Variants in CAMK1D observed in about 807,000 individuals in gnomAD.
The protein encoded by CAMK1D is calcium/calmodulin dependent protein kinase ID.
A neutral mutation model predicts 47.7 loss-of-function variants in CAMK1D; 9 were observed. The ratio of observed to expected loss-of-function variants is 0.19; its 90% CI spans 0.11 to 0.33. CAMK1D has a LOEUF of 0.33. CAMK1D is among the 10% of genes least tolerant of loss of function. The pLI is 1.00. For missense variants in CAMK1D, 291 were observed against 488.7 expected (o/e 0.60, Z 3.81); for synonymous variants, 184 against 184.9 (o/e 0.99, Z 0.04).
At chr10:12,429,326 C>T (rs753509062) in intron 1 of CAMK1D, among the ~76,000 whole-genome samples, 12 of 151,888 alleles carry the variant, frequency 7.9e-5, no homozygotes, top group African/African-American at 2.2e-4. Context: ...CTCTCTTCCC[C>T]TTCCCCATTC....
intron 2 of CAMK1D, among the ~76,000 whole-genome samples, chr10:12,634,176 G>A (rs1839452976): frequency 6.6e-6 from 1 of 152,168 alleles, no homozygotes; most frequent in African/African-American, 2.4e-5. Flanking sequence ...AAGAACAGCT[G>A]TTTTGCATGT....
At chr10:12,501,058 G>A (rs1834687868) in intron 1 of CAMK1D, among the ~76,000 whole-genome samples, 1 of 152,006 alleles carries the variant, frequency 6.6e-6, no homozygotes, top group African/African-American at 2.4e-5. Context: ...CCTGTCCACC[G>A]GACTCCAAAA....
rs1304165821 is a variant in CAMK1D at position 12,356,983 on chromosome 10, C to T, written c.92+7073C>T. Among the ~76,000 whole-genome samples the T allele has an allele frequency of 2.0e-5, 3 of 152,062 alleles. No homozygotes were observed. In the East Asian group the frequency reaches 5.8e-4, roughly 29 times the overall value. On this transcript the variant is annotated intron_variant, in intron 1 of 10. Transcript: ENST00000619168. The stretch of plus-strand genomic sequence containing the variant: ...GTTAACTTGTTGAGTTTTCCTTTGG[C>T]TGGGTCTCTGTAAATCTCTTTAATC...
intron 3 of CAMK1D, among the ~76,000 whole-genome samples, chr10:12,686,834 C>T (rs1418463801): frequency 6.6e-6 from 1 of 152,158 alleles, no homozygotes; most frequent in East Asian, 1.9e-4. Context: ...TAAACAGGCT[C>T]TATTTGTACT....
intron 6 of CAMK1D, among the ~76,000 whole-genome samples, chr10:12,809,920 G>A (rs1347312573): frequency 1.3e-5 from 2 of 152,058 alleles, no homozygotes; most frequent in South Asian, 2.1e-4. Context: ...GGGAGGCAGA[G>A]GCAGGTGGAT....
intron 6 of CAMK1D, among the ~76,000 whole-genome samples, chr10:12,799,320 A>G (rs1175367141): frequency 2.0e-5 from 3 of 152,168 alleles, no homozygotes; most frequent in Admixed American, 6.5e-5. Flanking sequence ...GCCTCAGCCA[A>G]TGGGGTGGAG....
At chr10:12,790,112 A>C (rs1174961209) in intron 5 of CAMK1D, among the ~76,000 whole-genome samples, 1 of 152,232 alleles carries the variant, frequency 6.6e-6, no homozygotes, top group Non-Finnish European at 1.5e-5. Context: ...AACAAGCCAC[A>C]AGGCCAGGAA....
At chr10:12,632,555 T>A (rs1393542430) in intron 2 of CAMK1D, among the ~76,000 whole-genome samples, 1 of 152,188 alleles carries the variant, frequency 6.6e-6, no homozygotes, top group Non-Finnish European at 1.5e-5. Flanking sequence ...CTATATATAT[T>A]TGAACCTTAC....
intron 2 of CAMK1D, among the ~76,000 whole-genome samples, chr10:12,612,697 A>G (rs1158949213): frequency 6.6e-6 from 1 of 152,106 alleles, no homozygotes; most frequent in Non-Finnish European, 1.5e-5. Flanking sequence ...TGCAGCTTGG[A>G]CAGGTCAGTC....
chr10:12,758,196 A>G (rs1836324552), intron 3 of CAMK1D, among the ~76,000 whole-genome samples: 1 of 151,300 alleles, frequency 6.6e-6, no homozygotes, highest in Non-Finnish European at 1.5e-5. Flanking sequence ...CAAAGACCCC[A>G]CCTCCAAACG....
At chr10:12,675,150 G>A (rs1488356680) in intron 3 of CAMK1D, among the ~76,000 whole-genome samples, 1 of 151,950 alleles carries the variant, frequency 6.6e-6, no homozygotes, top group Non-Finnish European at 1.5e-5. Context: ...ACTTCAGGCT[G>A]ATACAATGCA....
chr10:12,774,493 A>G (rs1837188737), intron 5 of CAMK1D, among the ~76,000 whole-genome samples: 3 of 152,166 alleles, frequency 2.0e-5, no homozygotes. Flanking sequence ...GAGCAGGGGT[A>G]TGTGGACCAG....
At chr10:12,458,563 T>G (rs1833328366) in intron 1 of CAMK1D, among the ~76,000 whole-genome samples, 1 of 152,070 alleles carries the variant, frequency 6.6e-6, no homozygotes, top group Non-Finnish European at 1.5e-5. Flanking sequence ...ACTAAAGGTG[T>G]GTGCTGTCAT....
intron 1 of CAMK1D, among the ~76,000 whole-genome samples, chr10:12,418,592 G>A (rs1839934350): frequency 6.6e-6 from 1 of 152,162 alleles, no homozygotes. Flanking sequence ...GGGTGACAGA[G>A]CAAGACTCTC....
intron 1 of CAMK1D, among the ~76,000 whole-genome samples, chr10:12,465,604 C>T (rs1194362506): frequency 6.6e-6 from 1 of 152,226 alleles, no homozygotes; most frequent in Non-Finnish European, 1.5e-5. Flanking sequence ...ATCCACCCAC[C>T]TTGGCCTCCC....
At chr10:12,806,858 C>G (rs4748000) in intron 6 of CAMK1D, among the ~76,000 whole-genome samples, 92,868 of 152,056 alleles carry the variant, frequency 0.61, 30,101 homozygotes, top group South Asian at 0.82. Flanking sequence ...ATACATGCTT[C>G]AATATGCCAA....
chr10:12,801,048 A>G (rs1838407845), intron 6 of CAMK1D, among the ~76,000 whole-genome samples: 1 of 152,122 alleles, frequency 6.6e-6, no homozygotes, highest in Admixed American at 6.5e-5. Context: ...CCACCTCAAC[A>G]TTGCTCTTCC....
chr10:12,665,787 C>T (rs1047516713), intron 2 of CAMK1D, among the ~76,000 whole-genome samples: 4 of 152,222 alleles, frequency 2.6e-5, no homozygotes, highest in Non-Finnish European at 5.9e-5. Context: ...ATTCAGAGTG[C>T]AGTCTGCAGA....
Position 12,402,403 on chromosome 10 carries a change from T to G in CAMK1D, c.92+52493T>G, listed in dbSNP as rs138550872. Among the ~76,000 whole-genome samples the G allele has an allele frequency of 8.6e-3, 1,314 of 152,138 alleles. 25 individuals carry two copies. The highest frequency in any genetic ancestry group is 0.03 in the African/African-American group (1,253 of 41,490). ...CGGGCACCACCATGCCCAGCTAATT[T>G]TTGTTTTTTGTAGAGACAGGGTTTT... On this transcript the variant is annotated intron_variant, in intron 1 of 10. Coordinates refer to ENST00000619168, the MANE Select transcript of CAMK1D (RefSeq NM_153498.4).
Sources: allele counts gnomAD v4.1 joint callset (sites outside exome capture counted in the v4.1 genomes callset), GRCh38; gene constraint gnomAD v4.1.1; transcripts MANE v1.5; gene names NCBI Gene and HGNC (gene_info 2026-07-23, HGNC 2026-07-21).